The following KLC1 variants were observed in gnomAD, a reference collection of about 807,000 sequenced individuals.
KLC1 encodes kinesin light chain 1, also known as kinesin 2 60/70kDa.
In KLC1, 30 loss-of-function variants were observed where a neutral mutation model predicts 84.2. The observed-to-expected ratio is 0.36, with a 90% CI of 0.27 to 0.48. The LOEUF is 0.48. KLC1 is among the 20% of genes least tolerant of loss of function. The probability of loss-of-function intolerance (pLI) is 0.99; values close to 1 mark genes in which losing one functional copy is unlikely to be tolerated. For missense variants in KLC1, 499 were observed against 805.4 expected (o/e 0.62, Z 4.60); for synonymous variants, 289 against 293.3 (o/e 0.99, Z 0.15).
intron 3 of KLC1, among the ~76,000 whole-genome samples, chr14:103,661,603 C>CT (rs752622231): frequency 2.0e-5 from 3 of 152,094 alleles, no homozygotes; most frequent in Admixed American, 6.6e-5. Flanking sequence ...GATTTTATTT[C>CT]TTTGACTAAT....
At chr14:103,673,256 A>G (rs1309219120) in intron 8 of KLC1, 69 bp downstream of exon 8, 2 of 1,562,112 alleles carry the variant, frequency 1.3e-6, no homozygotes, top group South Asian at 2.4e-5. Context: ...ACACTTTCTC[A>G]TTTAACTGGA....
intron 5 of KLC1, among the ~76,000 whole-genome samples, chr14:103,667,938 G>A (rs1750023843): frequency 6.6e-6 from 1 of 152,042 alleles, no homozygotes; most frequent in South Asian, 2.1e-4. Flanking sequence ...CTGGTTCTGG[G>A]GTGTTTCTGT....
intron 15 of KLC1, among the ~76,000 whole-genome samples, chr14:103,692,772 TAA>T (rs2082195391): frequency 6.6e-6 from 1 of 152,246 alleles, no homozygotes; most frequent in South Asian, 2.1e-4. Context: ...TAGCCTCTAC[TAA>T]GTTTATAACT....
chr14:103,645,324 G>A (rs781286709), intron 1 of KLC1, among the ~76,000 whole-genome samples: 7 of 152,120 alleles, frequency 4.6e-5, no homozygotes, highest in South Asian at 2.1e-4. Context: ...TTTTGGAGGC[G>A]AAGACCTAGC....
intron 11 of KLC1, 25 bp downstream of exon 11, chr14:103,675,781 G>A: frequency 1.2e-6 from 2 of 1,601,868 alleles, no homozygotes; most frequent in Admixed American, 1.7e-5. Context: ...GCGTTTGGCT[G>A]GAAAAACCAA....
intron 16 of KLC1, 93 bp from the exon 17 acceptor site, chr14:103,701,108 T>C: frequency 6.8e-7 from 1 of 1,465,574 alleles, no homozygotes. Context: ...AGACTTGGGG[T>C]GGGGGTTCCC....
At chr14:103,667,003 T>C (rs1313584496) in intron 5 of KLC1, among the ~76,000 whole-genome samples, 3 of 147,806 alleles carry the variant, frequency 2.0e-5, no homozygotes, top group African/African-American at 7.6e-5. Context: ...GGTCTCAAAC[T>C]CCTGACCTCA....
rs2080556647 is a variant in KLC1 at position 103,673,149 on chromosome 14, C to T, written c.1123C>T (p.Pro375Ser). 1 of 1,613,810 alleles carries T rather than the reference C, an allele frequency of 6.2e-7. No individual in the cohort carries two copies. The highest frequency in any genetic ancestry group is 8.5e-7 in the Non-Finnish European group (1 of 1,179,952). ...ALEIYQTKLG[P>S]DDPNVAKTKN... ...CGAGATCTACCAGACAAAACTGGGA[C>T]CTGATGACCCCAACGTGGCTAAGAC... The change falls in exon 8 of 17, where the codon CCT (proline) becomes TCT (serine). Residue 375 changes from proline to serine, a missense_variant. Coordinates refer to ENST00000334553, the MANE Select transcript of KLC1 (RefSeq NM_001394837.1).
intron 1 of KLC1, among the ~76,000 whole-genome samples, chr14:103,646,109 C>T (rs2077902052): frequency 6.6e-6 from 1 of 152,054 alleles, no homozygotes; most frequent in South Asian, 2.1e-4. Flanking sequence ...CCTCATTGAC[C>T]AAAATGTCAT....
At chr14:103,696,669 C>CT (rs1436369524) in intron 15 of KLC1, 1 of 985,382 alleles carries the variant, frequency 1.0e-6, no homozygotes, top group Non-Finnish European at 1.2e-6. Context: ...GGCCAGCTGT[C>CT]TCAGGGCTGA....
intron 1 of KLC1, among the ~76,000 whole-genome samples, chr14:103,643,269 C>T (rs1425666381): frequency 6.6e-6 from 1 of 152,182 alleles, no homozygotes; most frequent in East Asian, 1.9e-4. Flanking sequence ...CTTTCCCCAT[C>T]TCCTTGGAGT....
intron 5 of KLC1, 104 bp from the exon 6 acceptor site, chr14:103,669,407 C>T (rs2080187023): frequency 1.5e-6 from 1 of 659,540 alleles, no homozygotes; most frequent in East Asian, 3.1e-5. Context: ...GCACTCCAAC[C>T]TGTGCAACAG....
At chr14:103,635,581 C>G (rs1377672218) in intron 1 of KLC1, among the ~76,000 whole-genome samples, 6 of 152,052 alleles carry the variant, frequency 3.9e-5, no homozygotes, top group African/African-American at 1.2e-4. Flanking sequence ...TGGGTGAAAC[C>G]TTGTCTCTAC....
intron 1 of KLC1, among the ~76,000 whole-genome samples, chr14:103,648,524 T>C (rs1237850070): frequency 6.6e-6 from 1 of 152,114 alleles, no homozygotes; most frequent in East Asian, 1.9e-4. Flanking sequence ...GGCTCATGCC[T>C]GTAATCGCAG....
At chr14:103,669,994 C>T (rs2080239129) in intron 6 of KLC1, among the ~76,000 whole-genome samples, 188 bp from the exon 7 acceptor site, 1 of 152,122 alleles carries the variant, frequency 6.6e-6, no homozygotes, top group African/African-American at 2.4e-5. Flanking sequence ...TTTTAGTATT[C>T]TGCAGTGTTA....
Position 103,653,949 on chromosome 14 carries a change from A to G in KLC1, c.-1-615A>G, listed in dbSNP as rs533368593. On this transcript the variant is annotated intron_variant, in intron 1 of 16. Transcript: ENST00000334553. ...CTTTTCTTTCTCACTTTGGTGTTTG[A>G]AAGCCCCTTCCAGACATTGCATCAC... is the stretch of plus-strand genomic sequence containing the variant. Among the ~76,000 whole-genome samples the G allele has an allele frequency of 2.0e-5, 3 of 152,228 alleles. No homozygotes were observed. In the East Asian group the frequency reaches 5.8e-4, roughly 29 times the overall value.
At chr14:103,679,837 T>C (rs1359061984) in intron 13 of KLC1, 3 of 340,548 alleles carry the variant, frequency 8.8e-6, no homozygotes, top group Middle Eastern at 7.9e-4. Flanking sequence ...CATTTTAATA[T>C]TGGGATCAGT....
intron 13 of KLC1, among the ~76,000 whole-genome samples, chr14:103,680,252 C>T (rs1234132837): frequency 6.7e-6 from 1 of 148,554 alleles, no homozygotes; most frequent in East Asian, 2.0e-4. Context: ...ATTTTTTCTC[C>T]AGTGAATTTT....
At position 103,654,578 on chromosome 14, in the gene KLC1, T is replaced by C. The variant is rs1421766658; in HGVS notation, c.14T>C (p.Met5Thr). 6.2e-7 allele frequency: 1 copy of C among 1,605,326 alleles called. No individual in the cohort carries two copies. The highest frequency in any genetic ancestry group is 1.7e-5 in the Admixed American group (1 of 58,566). ...TTTCATTCCAGAATGTATGACAACATGTCCACAATGGTGTACATAAAGGAA... is the reference window on the plus strand; with the variant it reads ...TTTCATTCCAGAATGTATGACAACACGTCCACAATGGTGTACATAAAGGAA... MYDNMSTMVYIKEDK... is the reference protein window; with the variant it reads MYDNTSTMVYIKEDK... The change falls in exon 2 of 17, where the codon ATG (methionine) becomes ACG (threonine). Residue 5 changes from methionine (M) to threonine (T), a missense_variant. Met to Thr is a moderately conservative substitution (Grantham distance 81, BLOSUM62 -1). Coordinates refer to ENST00000334553, the MANE Select transcript of KLC1 (RefSeq NM_001394837.1).
Sources: allele counts gnomAD v4.1 joint callset (sites outside exome capture counted in the v4.1 genomes callset), GRCh38; gene constraint gnomAD v4.1.1; transcripts MANE v1.5; gene names NCBI Gene and HGNC (gene_info 2026-07-23, HGNC 2026-07-21).